Variants in KCNB2 observed in about 807,000 individuals in gnomAD.
The protein encoded by KCNB2 is potassium voltage-gated channel subfamily B member 2.
Under a neutral mutation model 61.5 loss-of-function variants are expected in KCNB2, and 15 were observed. The ratio of observed to expected loss-of-function variants is 0.24; its 90% CI spans 0.16 to 0.38. The LOEUF is 0.38. Among genes scored for constraint, KCNB2 ranks in the 10% least tolerant of loss-of-function variants. KCNB2 has a pLI of 1.00. For synonymous variants in KCNB2, 457 were observed against 446.0 expected, an observed-to-expected ratio of 1.02 and a Z score of -0.31; for missense variants, 828 against 1,125.2, an observed-to-expected ratio of 0.74 and a Z score of 3.78.
At chr8:72,734,007 C>T (rs1807796011) in intron 2 of KCNB2, among the ~76,000 whole-genome samples, 1 of 152,152 alleles carries the variant, frequency 6.6e-6, no homozygotes, top group Non-Finnish European at 1.5e-5. Flanking sequence ...GGCAACTCTC[C>T]TCAATCGTCT....
At chr8:72,590,323 C>G (rs750112002) in intron 2 of KCNB2, among the ~76,000 whole-genome samples, 22 of 152,102 alleles carry the variant, frequency 1.4e-4, no homozygotes, top group Non-Finnish European at 2.5e-4. Flanking sequence ...GAGGTGTCTT[C>G]CTGAGATTGT....
chr8:72,820,381 A>T (rs1405726323), intron 2 of KCNB2, among the ~76,000 whole-genome samples: 1 of 152,190 alleles, frequency 6.6e-6, no homozygotes, highest in African/African-American at 2.4e-5. Flanking sequence ...ATTTATTCCA[A>T]TGAACTTTCC....
intron 2 of KCNB2, among the ~76,000 whole-genome samples, chr8:72,759,323 T>C (rs1438176743): frequency 6.6e-6 from 1 of 152,188 alleles, no homozygotes; most frequent in Non-Finnish European, 1.5e-5. Flanking sequence ...TCTATATTCA[T>C]TGGAAATTAA....
chr8:72,899,096 A>G (rs372569810), intron 2 of KCNB2, among the ~76,000 whole-genome samples: 3 of 152,172 alleles, frequency 2.0e-5, no homozygotes, highest in South Asian at 4.1e-4. Context: ...ACATATGCAA[A>G]TCAATAAACG....
chr8:72,585,249 T>TC (rs199686081), intron 2 of KCNB2, among the ~76,000 whole-genome samples: 1,773 of 152,324 alleles, frequency 0.012, 23 homozygotes, highest in African/African-American at 0.037. Context: ...TGTACACAAT[T>TC]CCCAACTAAC....
intron 2 of KCNB2, among the ~76,000 whole-genome samples, chr8:72,687,605 C>T (rs1043913736): frequency 1.3e-5 from 2 of 152,018 alleles, no homozygotes; most frequent in African/African-American, 4.8e-5. Flanking sequence ...AAGTAGTGTG[C>T]CGTTAACCCT....
chr8:72,861,839 T>G (rs1585938781), intron 2 of KCNB2, among the ~76,000 whole-genome samples: 1 of 152,180 alleles, frequency 6.6e-6, no homozygotes. Flanking sequence ...AAAATAGGGA[T>G]AGTTTACGTC....
intron 2 of KCNB2, among the ~76,000 whole-genome samples, chr8:72,635,513 T>C (rs1466132455): frequency 6.6e-6 from 1 of 152,088 alleles, no homozygotes; most frequent in Non-Finnish European, 1.5e-5. Flanking sequence ...TGAAGCCCAG[T>C]GTCGAATGAA....
chr8:72,725,794 A>G lies in KCNB2; in HGVS notation c.579+157481A>G, dbSNP rs140553226. Among the ~76,000 whole-genome samples, 229 of 151,660 alleles carry G rather than the reference A, an allele frequency of 1.5e-3. 3 individuals are homozygous for G. The East Asian group carries it at 0.028, about 19-fold the overall frequency. On this transcript the variant is annotated intron_variant, in intron 2 of 2. Transcript: ENST00000523207. ...TCCTTGTATGCACAGTAACTTACAC[A>G]TAGTAAGCCCTTAGTAATGATTTGC...
At chr8:72,769,743 G>A (rs1298743248) in intron 2 of KCNB2, among the ~76,000 whole-genome samples, 1 of 152,192 alleles carries the variant, frequency 6.6e-6, no homozygotes, top group African/African-American at 2.4e-5. Context: ...AGCCACTGAA[G>A]GACCATAGGG....
intron 2 of KCNB2, among the ~76,000 whole-genome samples, chr8:72,734,296 C>T (rs1311748142): frequency 6.6e-6 from 1 of 152,134 alleles, no homozygotes; most frequent in Non-Finnish European, 1.5e-5. Flanking sequence ...TCCCAGCAGC[C>T]TATTGTCTTT....
chr8:72,599,568 G>A lies in KCNB2; in HGVS notation c.579+31255G>A, dbSNP rs185941596. On this transcript the variant is annotated intron_variant, in intron 2 of 2. Transcript: ENST00000523207. Reference sequence around the variant, plus strand: ...GGACTTCATGACTAAAACAGCAAAAGCAATGGCAACAAAAGCCATTGACAA... The same window carrying A: ...GGACTTCATGACTAAAACAGCAAAAACAATGGCAACAAAAGCCATTGACAA... Among the ~76,000 whole-genome samples, 265 of 152,262 alleles carry A rather than the reference G, an allele frequency of 1.7e-3. 1 individual carries two copies. Among genetic ancestry groups the A allele is most frequent in the African/African-American group, 6.2e-3 (256 of 41,542 alleles).
intron 2 of KCNB2, among the ~76,000 whole-genome samples, chr8:72,648,976 T>G (rs1806173735): frequency 6.6e-6 from 1 of 152,114 alleles, no homozygotes; most frequent in Admixed American, 6.5e-5. Context: ...TTTTTTTATT[T>G]TTTTTCTTGG....
At chr8:72,752,713 A>G (rs1225187662) in intron 2 of KCNB2, among the ~76,000 whole-genome samples, 1 of 152,214 alleles carries the variant, frequency 6.6e-6, no homozygotes, top group Non-Finnish European at 1.5e-5. Flanking sequence ...CTTATTTTAT[A>G]TGCATATATC....
At chr8:72,714,872 G>C (rs1807400150) in intron 2 of KCNB2, among the ~76,000 whole-genome samples, 1 of 152,156 alleles carries the variant, frequency 6.6e-6, no homozygotes, top group Non-Finnish European at 1.5e-5. Context: ...TGGCAAATTG[G>C]ATAAAGAGTC....
At chr8:72,671,389 G>T (rs1806561918) in intron 2 of KCNB2, among the ~76,000 whole-genome samples, 1 of 152,122 alleles carries the variant, frequency 6.6e-6, no homozygotes, top group Non-Finnish European at 1.5e-5. Context: ...TTGATTCTTT[G>T]ATTGGTTCAT....
intron 1 of KCNB2, among the ~76,000 whole-genome samples, chr8:72,556,813 G>C (rs1806436139): frequency 6.6e-6 from 1 of 152,084 alleles, no homozygotes; most frequent in South Asian, 2.1e-4. Context: ...TGATGGTATG[G>C]TATCTTAGTC....
intron 2 of KCNB2, among the ~76,000 whole-genome samples, chr8:72,906,373 G>A (rs1585966766): frequency 6.6e-6 from 1 of 152,314 alleles, no homozygotes. Flanking sequence ...ACTTCCAGAA[G>A]AGGTTTGGGT....
intron 2 of KCNB2, among the ~76,000 whole-genome samples, chr8:72,759,773 T>C (rs1254491061): frequency 6.6e-6 from 1 of 152,158 alleles, no homozygotes; most frequent in Non-Finnish European, 1.5e-5. Context: ...ATGGGTAAGG[T>C]GGCTCAGCAG....
Sources: gnomAD v4.1 joint callset for allele counts (sites outside exome capture counted in the v4.1 genomes callset) on GRCh38, gnomAD v4.1.1 for gene constraint, MANE v1.5 for transcripts, NCBI Gene and HGNC (gene_info 2026-07-23, HGNC 2026-07-21) for gene names.